Variants in PDE4D observed in about 807,000 individuals in gnomAD.
PDE4D encodes the protein phosphodiesterase 4D.
PDE4D carries 24 observed loss-of-function variants against 87.4 expected under a neutral mutation model. That is an observed-to-expected ratio of 0.27 (90% CI 0.20 to 0.39). The LOEUF (loss-of-function observed/expected upper bound fraction) is 0.39, where lower values mean the gene tolerates loss of function less well. PDE4D is among the 10% of genes least tolerant of loss of function. PDE4D has a pLI of 1.00. For missense variants in PDE4D, 714 were observed against 1,041.0 expected, an observed-to-expected ratio of 0.69 and a Z score of 4.32; for synonymous variants, 384 against 383.2, an observed-to-expected ratio of 1.00 and a Z score of -0.02.
intron 3 of PDE4D, among the ~76,000 whole-genome samples, chr5:59,907,155 C>T (rs891688476): frequency 1.3e-5 from 2 of 152,126 alleles, no homozygotes; most frequent in Non-Finnish European, 2.9e-5. Context: ...GGTCCCTTTT[C>T]TCCTAAATCT....
At chr5:60,334,872 C>T (rs1392883058) in intron 1 of PDE4D, among the ~76,000 whole-genome samples, 1 of 152,124 alleles carries the variant, frequency 6.6e-6, no homozygotes, top group Non-Finnish European at 1.5e-5. Context: ...AGTAATTTTG[C>T]CTTCACCTGC....
At chr5:59,571,002 A>G (rs557839167) in intron 1 of PDE4D, among the ~76,000 whole-genome samples, 74 of 152,348 alleles carry the variant, frequency 4.9e-4, no homozygotes, top group African/African-American at 1.7e-3. Context: ...ATTCATACAC[A>G]TGCCCAACAA....
intron 1 of PDE4D, among the ~76,000 whole-genome samples, chr5:59,548,068 C>T (rs543980440): frequency 3.9e-5 from 6 of 152,268 alleles, no homozygotes; most frequent in Admixed American, 6.5e-5. Flanking sequence ...CAGAGACAAA[C>T]GCTCAATCAA....
chr5:59,278,306 A>T (rs1035455837), intron 1 of PDE4D, among the ~76,000 whole-genome samples: 3 of 152,066 alleles, frequency 2.0e-5, no homozygotes, highest in African/African-American at 7.2e-5. Context: ...TCCTGTTAGC[A>T]TGCAAGCATA....
intron 1 of PDE4D, among the ~76,000 whole-genome samples, chr5:60,513,356 G>A (rs1451753626): frequency 6.6e-6 from 1 of 151,958 alleles, no homozygotes; most frequent in Non-Finnish European, 1.5e-5. Flanking sequence ...TAAAGAGGAG[G>A]AAATACATGG....
chr5:60,314,173 T>C (rs1755316485), intron 1 of PDE4D, among the ~76,000 whole-genome samples: 1 of 151,778 alleles, frequency 6.6e-6, no homozygotes, highest in African/African-American at 2.4e-5. Flanking sequence ...CAGTATGATT[T>C]TTTTTTTTTT....
chr5:60,077,842 T>C (rs948567815), intron 2 of PDE4D, among the ~76,000 whole-genome samples: 4 of 152,192 alleles, frequency 2.6e-5, no homozygotes, highest in African/African-American at 4.8e-5. Flanking sequence ...CAGAGATCCA[T>C]GCGAGAGTGG....
chr5:59,559,934 T>C (rs1256959269), intron 1 of PDE4D, among the ~76,000 whole-genome samples: 2 of 152,176 alleles, frequency 1.3e-5, no homozygotes, highest in Non-Finnish European at 2.9e-5. Context: ...CCTTTAAAAA[T>C]ACCAGTTTCT....
intron 3 of PDE4D, among the ~76,000 whole-genome samples, chr5:59,904,720 A>G (rs956744611): frequency 1.3e-5 from 2 of 152,154 alleles, no homozygotes; most frequent in Admixed American, 1.3e-4. Flanking sequence ...GTTCTCTCCA[A>G]AAGAGAGAGG....
intron 1 of PDE4D, among the ~76,000 whole-genome samples, chr5:59,824,037 T>C (rs754379378): frequency 2.0e-5 from 3 of 151,916 alleles, no homozygotes; most frequent in South Asian, 4.2e-4. Context: ...TCTTGTTCAT[T>C]TATTTGTCAA....
intron 1 of PDE4D, among the ~76,000 whole-genome samples, chr5:59,433,101 G>A (rs1252479702): frequency 1.3e-5 from 2 of 151,832 alleles, no homozygotes; most frequent in Non-Finnish European, 2.9e-5. Context: ...TTGAGAGTCT[G>A]AAGAACAAAA....
intron 2 of PDE4D, among the ~76,000 whole-genome samples, chr5:60,067,861 T>C (rs539580676): frequency 8.5e-5 from 13 of 152,314 alleles, no homozygotes; most frequent in African/African-American, 2.9e-4. Flanking sequence ...TAGCACAATG[T>C]CTTTAAGTTT....
chr5:59,830,517 T>G (rs1302504498), intron 1 of PDE4D, among the ~76,000 whole-genome samples: 1 of 152,094 alleles, frequency 6.6e-6, no homozygotes, highest in Non-Finnish European at 1.5e-5. Flanking sequence ...TCGGAGACAT[T>G]AAGGGAAGAT....
chr5:59,827,665 C>CAGGTCAGGGCT (rs1244720539), intron 1 of PDE4D, among the ~76,000 whole-genome samples: 3 of 152,020 alleles, frequency 2.0e-5, no homozygotes, highest in Admixed American at 2.0e-4. Flanking sequence ...AGAATCAGTT[C>CAGGTCAGGGCT]AGGTCAGGGC....
At chr5:59,508,666 A>T (rs1460682320) in intron 1 of PDE4D, among the ~76,000 whole-genome samples, 1 of 152,118 alleles carries the variant, frequency 6.6e-6, no homozygotes, top group Non-Finnish European at 1.5e-5. Flanking sequence ...AATAAAAAAA[A>T]ATATTTAAGC....
At chr5:59,643,134 G>A (rs374466293) in intron 1 of PDE4D, among the ~76,000 whole-genome samples, 2 of 152,156 alleles carry the variant, frequency 1.3e-5, no homozygotes, top group Non-Finnish European at 2.9e-5. Context: ...ATGGTGATTA[G>A]AGAAAATGAA....
chr5:60,327,548 C>T (rs1756915055), intron 1 of PDE4D, among the ~76,000 whole-genome samples: 1 of 152,144 alleles, frequency 6.6e-6, no homozygotes, highest in African/African-American at 2.4e-5. Flanking sequence ...GCATATTCTG[C>T]CATCCTTCAA....
chr5:59,032,395 C>A (rs1213491182), intron 6 of PDE4D, among the ~76,000 whole-genome samples: 2 of 152,186 alleles, frequency 1.3e-5, no homozygotes, highest in African/African-American at 4.8e-5. Flanking sequence ...TCCTGGCCAA[C>A]ATGGTGAAAC....
chr5:59,579,285 C>G (rs909480690), intron 1 of PDE4D, among the ~76,000 whole-genome samples: 2 of 152,168 alleles, frequency 1.3e-5, no homozygotes, highest in Non-Finnish European at 1.5e-5. Flanking sequence ...CAAGGCAGGA[C>G]TCTTATTACA....
Sources: allele counts gnomAD v4.1 joint callset (sites outside exome capture counted in the v4.1 genomes callset), GRCh38; gene constraint gnomAD v4.1.1; transcripts MANE v1.5; gene names NCBI Gene and HGNC (gene_info 2026-07-23, HGNC 2026-07-21).